TERB1: variants seen among roughly 807,000 people sequenced by gnomAD.
The protein encoded by TERB1 is telomere repeat binding bouquet formation protein 1, also known as telomere repeats-binding bouquet formation protein 1.
A neutral mutation model predicts 92.3 loss-of-function variants in TERB1; 63 were observed. That is an observed-to-expected ratio of 0.68 (90% CI 0.56 to 0.84). TERB1 has a LOEUF of 0.84. Ranked by LOEUF, TERB1 falls within the 40% of genes least tolerant of loss-of-function variation. The probability of loss-of-function intolerance (pLI) is 0.00; values close to 1 mark genes in which losing one functional copy is unlikely to be tolerated. For synonymous variants in TERB1, 252 were observed against 283.9 expected (o/e 0.89, Z 1.13); for missense variants, 709 against 843.7 (o/e 0.84, Z 1.98).
At chr16:66,772,973 T>G (rs1169951258) in intron 12 of TERB1, among the ~76,000 whole-genome samples, 1 of 152,060 alleles carries the variant, frequency 6.6e-6, no homozygotes, top group Non-Finnish European at 1.5e-5. Context: ...AGAAAAAACA[T>G]GCAAATATGT....
At chr16:66,776,058 G>C (rs111364528) in intron 11 of TERB1, among the ~76,000 whole-genome samples, 1 of 151,840 alleles carries the variant, frequency 6.6e-6, no homozygotes, top group African/African-American at 2.4e-5. Context: ...GGCCGGGCTC[G>C]GTGGCTCACA....
At position 66,779,274 on chromosome 16, in the gene TERB1, C is replaced by A. The variant is rs2145172179; in HGVS notation, c.701-259G>T. Among the ~76,000 whole-genome samples, 2 of 152,158 alleles carry A rather than the reference C, an allele frequency of 1.3e-5. 1 individual carries two copies. The highest frequency in any genetic ancestry group is 2.9e-5 in the Non-Finnish European group (2 of 68,006). On this transcript the variant is annotated intron_variant, in intron 9 of 18. Coordinates refer to ENST00000433154, the MANE Select transcript of TERB1 (RefSeq NM_001136505.2). ...TCTTTTTTGTTTCATTTAGTAAGAA[C>A]TGCTCTATTTTGTAAGAATGGCATT...
chr16:66,799,330 C>T (rs1022385409), intron 2 of TERB1, among the ~76,000 whole-genome samples: 1 of 152,130 alleles, frequency 6.6e-6, no homozygotes, highest in African/African-American at 2.4e-5. Flanking sequence ...CGGGTTCAAG[C>T]AATTCTCCTG....
chr16:66,796,753 C>T lies in TERB1; in HGVS notation c.31+15G>A, dbSNP rs772662244. The T allele has an allele frequency of 2.0e-6, 3 of 1,516,440 alleles. No homozygotes were observed. In the South Asian group the frequency reaches 3.6e-5, roughly 18 times the overall value. The allele number at this position is 1,516,440 out of a possible 1,614,324, so 93.9% of individuals were successfully genotyped here. A position where few individuals can be genotyped will look rare whatever the true frequency, so the allele number is the denominator to read the frequency against. On this transcript the variant is annotated intron_variant, in intron 3 of 18. Transcript: ENST00000433154. ...ACAAAACTCATTGCAGATATATGAT[C>T]CATCAATTTCTCACCTTGTGTTTTC...
chr16:66,775,566 G>A (rs1269485527), intron 11 of TERB1, among the ~76,000 whole-genome samples: 1 of 152,002 alleles, frequency 6.6e-6, no homozygotes, highest in East Asian at 1.9e-4. Flanking sequence ...CCTGGGAGGT[G>A]GAGGCTGCAG....
At chr16:66,782,549 C>CA (rs1021881453) in intron 9 of TERB1, among the ~76,000 whole-genome samples, 3,140 of 78,786 alleles carry the variant, frequency 0.04, 50 homozygotes, top group South Asian at 0.075. Flanking sequence ...AATTCTGTCT[C>CA]AAAAAAAAAA....
Position 66,756,909 on chromosome 16 carries a change from T to A in TERB1, c.1997-1746A>T, listed in dbSNP as rs1597004984. 2.0e-5 allele frequency among the ~76,000 whole-genome samples: 3 copies of A among 152,280 alleles called. 1 individual carries two copies. The East Asian group carries it at 5.8e-4, about 29-fold the overall frequency. On this transcript the variant is annotated intron_variant, in intron 18 of 18. Transcript: ENST00000433154. The stretch of plus-strand genomic sequence containing the variant: ...AGGGAAAATGGGCAAGAGGGCTTAA[T>A]TCTAAGGACTCTTTTATTTTTCAAG...
chr16:66,779,096 A>G lies in TERB1; in HGVS notation c.701-81T>C, dbSNP rs984248221. 1.3e-5 allele frequency: 14 copies of G among 1,085,220 alleles called. No individual in the cohort carries two copies. In the African/African-American group the frequency reaches 2.2e-4, roughly 17 times the overall value. The allele number at this position is 1,085,220 out of a possible 1,614,324, so 67.2% of individuals were successfully genotyped here. On this transcript the variant is annotated intron_variant, in intron 9 of 18. Coordinates refer to ENST00000433154, the MANE Select transcript of TERB1 (RefSeq NM_001136505.2). ...TTTATTCAATAAATCTGCATTAAATATAACATTGACCTTTTCAAATACTTT... is the reference window on the plus strand; with the variant it reads ...TTTATTCAATAAATCTGCATTAAATGTAACATTGACCTTTTCAAATACTTT...
chr16:66,783,129 T>C (rs903631359), intron 9 of TERB1, among the ~76,000 whole-genome samples: 3 of 152,182 alleles, frequency 2.0e-5, no homozygotes, highest in African/African-American at 7.2e-5. Context: ...GCTGGGATTA[T>C]AGGCATAAGG....
At chr16:66,799,650 G>T (rs868256337) in intron 2 of TERB1, among the ~76,000 whole-genome samples, 1 of 152,124 alleles carries the variant, frequency 6.6e-6, no homozygotes, top group Non-Finnish European at 1.5e-5. Context: ...CACAAAAAGA[G>T]TTTGCCAAGT....
intron 16 of TERB1, among the ~76,000 whole-genome samples, chr16:66,766,062 G>A (rs1396955413): frequency 6.7e-6 from 1 of 148,294 alleles, no homozygotes; most frequent in South Asian, 2.1e-4. Context: ...TAGTAGAGAC[G>A]GGGTTTCACC....
rs748968299 is a variant in TERB1, at chr16:66,791,023, A to G, written c.32-4T>C. The G allele has an allele frequency of 3.3e-5, 48 of 1,461,628 alleles. No homozygotes were observed. Among genetic ancestry groups the G allele is most frequent in the Non-Finnish European group, 4.4e-5 (48 of 1,082,824 alleles). The allele number at this position is 1,461,628 out of a possible 1,614,324, so 90.5% of individuals were successfully genotyped here. A position where few individuals can be genotyped will look rare whatever the true frequency, so the allele number is the denominator to read the frequency against. Reference sequence around the variant, plus strand: ...AAGTTCAGGTCAGTCTTCATTTCTAAAGAACAAAAATGTCATTATTTTAAA... The same window carrying G: ...AAGTTCAGGTCAGTCTTCATTTCTAGAGAACAAAAATGTCATTATTTTAAA... On this transcript the variant is annotated splice_region_variant and splice_polypyrimidine_tract_variant and intron_variant, in intron 3 of 18. Coordinates refer to ENST00000433154, the MANE Select transcript of TERB1 (RefSeq NM_001136505.2).
intron 16 of TERB1, among the ~76,000 whole-genome samples, chr16:66,763,369 T>C (rs1031365817): frequency 2.6e-5 from 4 of 152,328 alleles, no homozygotes; most frequent in South Asian, 2.1e-4. Context: ...ATTTGTACTA[T>C]AGTTTCTCAA....
chr16:66,774,024 C>T (rs1470446350), intron 12 of TERB1, among the ~76,000 whole-genome samples: 1 of 151,612 alleles, frequency 6.6e-6, no homozygotes, highest in South Asian at 2.1e-4. Flanking sequence ...GGGCTACAGG[C>T]GTGCGCCACC....
intron 13 of TERB1, among the ~76,000 whole-genome samples, chr16:66,771,078 T>G (rs1368815400): frequency 1.3e-5 from 2 of 151,984 alleles, no homozygotes; most frequent in African/African-American, 2.4e-5. Context: ...GGATAACTTT[T>G]AAAAATAACA....
At chr16:66,768,307 C>T (rs2145109980) in intron 14 of TERB1, 139 bp from the exon 15 acceptor site, 1 of 649,252 alleles carries the variant, frequency 1.5e-6, no homozygotes. Flanking sequence ...CACAATCTAC[C>T]AAATTCTGCC....
Position 66,759,268 on chromosome 16 carries a change from G to T in TERB1, c.1803C>A (p.Ser601=). 1 of 1,541,188 alleles carries T rather than the reference G, an allele frequency of 6.5e-7. No homozygotes were observed. The highest frequency in any genetic ancestry group is 8.7e-7 in the Non-Finnish European group (1 of 1,144,466). ...GCTTGCTAAAGTTTCGGCTATTCAG[G>T]GATTTTTCTACTGCTATGCAACCTA... ...RCSGCIAVEK[S]LNSRNFSKLL... Residue 601 remains serine (S), a synonymous_variant, in exon 17 of 19, where the codon TCC becomes TCA. Transcript: ENST00000433154.
At chr16:66,793,735 A>G (rs1367766921) in intron 3 of TERB1, among the ~76,000 whole-genome samples, 1 of 151,510 alleles carries the variant, frequency 6.6e-6, no homozygotes, top group African/African-American at 2.4e-5. Context: ...GTGGTTTCGA[A>G]CTCCTGAGCT....
chr16:66,764,113 G>A (rs1313761696), intron 16 of TERB1, among the ~76,000 whole-genome samples: 1 of 152,192 alleles, frequency 6.6e-6, no homozygotes, highest in African/African-American at 2.4e-5. Flanking sequence ...GGAACATAGA[G>A]ATACTTATTA....
Sources: allele counts gnomAD v4.1 joint callset (sites outside exome capture counted in the v4.1 genomes callset), GRCh38; gene constraint gnomAD v4.1.1; transcripts MANE v1.5; gene names NCBI Gene and HGNC (gene_info 2026-07-23, HGNC 2026-07-21).